The following FBXL13 variants were observed in gnomAD, a reference collection of about 807,000 sequenced individuals.
The protein encoded by FBXL13 is F-box and leucine-rich repeat protein 13.
Under a neutral mutation model 83.6 loss-of-function variants are expected in FBXL13, and 67 were observed. The observed-to-expected ratio is 0.80, with a 90% CI of 0.66 to 0.98. The LOEUF (loss-of-function observed/expected upper bound fraction) is 0.98, where lower values mean the gene tolerates loss of function less well. FBXL13 is among the 50% of genes least tolerant of loss of function. The pLI is 0.00. For synonymous variants in FBXL13, 272 were observed against 299.5 expected, an observed-to-expected ratio of 0.91 and a Z score of 0.95; for missense variants, 822 against 866.5, an observed-to-expected ratio of 0.95 and a Z score of 0.64.
At chr7:103,008,601 A>G (rs905287918) in intron 6 of FBXL13, among the ~76,000 whole-genome samples, 2 of 152,214 alleles carry the variant, frequency 1.3e-5, no homozygotes, top group African/African-American at 4.8e-5. Flanking sequence ...TCTGTCATCC[A>G]GGCTAGAGTG....
chr7:103,028,634 G>C lies in FBXL13; in HGVS notation c.183C>G (p.His61Gln), dbSNP rs144386123. Reference sequence around the variant, plus strand: ...TTTCTTTCTGGTCTTCCATATAAGAGTGCCAGTGATGAAATACAGATTTTT... The same window carrying C: ...TTTCTTTCTGGTCTTCCATATAAGACTGCCAGTGATGAAATACAGATTTTT... The change falls in exon 4 of 20, where the codon CAC becomes CAG. Residue 61 changes from histidine (H) to glutamine (Q), a missense_variant. His to Gln is a conservative substitution (Grantham distance 24, BLOSUM62 0). Coordinates refer to ENST00000313221, the Ensembl canonical transcript of FBXL13. 131 of 1,595,312 alleles carry C rather than the reference G, an allele frequency of 8.2e-5. No homozygotes were observed. Among genetic ancestry groups the C allele is most frequent in the Admixed American group, 3.7e-4 (21 of 57,440 alleles).
intron 16 of FBXL13, among the ~76,000 whole-genome samples, chr7:102,859,622 C>T (rs1014574958): frequency 6.0e-5 from 9 of 151,182 alleles, no homozygotes; most frequent in Middle Eastern, 3.2e-3. Flanking sequence ...GAAGACAGGC[C>T]AAAAATGAGG....
intron 6 of FBXL13, among the ~76,000 whole-genome samples, chr7:102,986,025 C>CA (rs1415233638): frequency 2.0e-5 from 3 of 151,884 alleles, no homozygotes; most frequent in African/African-American, 4.8e-5. Context: ...ATGCCCCCCC[C>CA]CCATCAATAC....
intron 17 of FBXL13, among the ~76,000 whole-genome samples, chr7:102,843,388 A>C (rs1342309875): frequency 6.6e-6 from 1 of 152,226 alleles, no homozygotes; most frequent in Admixed American, 6.5e-5. Flanking sequence ...GGTTGCAGTG[A>C]GCCAACATCG....
chr7:102,944,575 A>T, intron 8 of FBXL13: 1 of 1,610,136 alleles, frequency 6.2e-7, no homozygotes, highest in Admixed American at 1.7e-5. Context: ...CACCGCAAAG[A>T]AGCAAAGCGT....
intron 6 of FBXL13, among the ~76,000 whole-genome samples, chr7:103,023,314 T>A (rs553973804): frequency 4.5e-4 from 68 of 151,806 alleles, no homozygotes; most frequent in African/African-American, 1.6e-3. Context: ...CAAAAAAAAA[T>A]ACCATTAAAA....
chr7:102,963,412 A>T (rs1205261180), intron 8 of FBXL13, 121 bp downstream of exon 9: 1 of 1,162,984 alleles, frequency 8.6e-7, no homozygotes, highest in African/African-American at 1.6e-5. Context: ...AATGGTTATA[A>T]TTGGTATCCT....
At chr7:102,975,071 C>T (rs1448804762) in intron 6 of FBXL13, among the ~76,000 whole-genome samples, 1 of 152,150 alleles carries the variant, frequency 6.6e-6, no homozygotes, top group African/African-American at 2.4e-5. Context: ...CAGCAGGAAC[C>T]ACTTTCAGGT....
chr7:102,854,816 A>G (rs1325286146), exon 17 of FBXL13: 1 of 1,592,818 alleles, frequency 6.3e-7, no homozygotes, highest in Non-Finnish European at 8.6e-7. Flanking sequence ...ATTCAGATAC[A>G]GAAAGTTCCT....
At chr7:103,061,148 G>C (rs868467122) in intron 1 of FBXL13, among the ~76,000 whole-genome samples, 2 of 151,970 alleles carry the variant, frequency 1.3e-5, no homozygotes, top group South Asian at 4.1e-4. Context: ...GGAAGAGGAA[G>C]ATGCCCCTCA....
In FBXL13 at chr7:102,840,950, CTATGATGTA is replaced by C. The variant is rs1384297330; in HGVS notation, c.1720-7985_1720-7977del. On this transcript the variant is annotated intron_variant, in intron 17 of 19. Transcript: ENST00000313221. ...CAGAGAGATCCTGGAACGATCCTAT[CTATGATGTA>C]TGTGATGAGGGCTTTAGGATGAGGA... Among the ~76,000 whole-genome samples the C allele has an allele frequency of 6.6e-5, 10 of 152,216 alleles. No individual in the cohort carries two copies. In the East Asian group the frequency reaches 7.7e-4, roughly 12 times the overall value.
intron 6 of FBXL13, among the ~76,000 whole-genome samples, chr7:102,984,536 G>A (rs1828706600): frequency 6.6e-6 from 1 of 152,130 alleles, no homozygotes; most frequent in Non-Finnish European, 1.5e-5. Context: ...GAGTCCAAAG[G>A]CAAGAGAAGA....
intron 18 of FBXL13, among the ~76,000 whole-genome samples, chr7:102,832,525 CA>C (rs1800890895): frequency 6.6e-6 from 1 of 152,236 alleles, no homozygotes; most frequent in African/African-American, 2.4e-5. Context: ...TCAGTTCCTA[CA>C]AATACTAAGT....
intron 6 of FBXL13, among the ~76,000 whole-genome samples, chr7:102,993,720 A>C (rs899432961): frequency 6.6e-6 from 1 of 152,232 alleles, no homozygotes; most frequent in Non-Finnish European, 1.5e-5. Flanking sequence ...CTGCTAACTA[A>C]GCAGCATTTC....
At chr7:102,953,561 C>T (rs1294047273) in intron 8 of FBXL13, among the ~76,000 whole-genome samples, 1 of 152,138 alleles carries the variant, frequency 6.6e-6, no homozygotes, top group African/African-American at 2.4e-5. Context: ...TGGGTATGAG[C>T]TTCCTCTTTG....
At chr7:102,942,930 A>G (rs550779017) in intron 8 of FBXL13, among the ~76,000 whole-genome samples, 4 of 152,348 alleles carry the variant, frequency 2.6e-5, no homozygotes, top group South Asian at 2.1e-4. Context: ...TGGCTGGTCC[A>G]TATCAACTGG....
chr7:103,035,031 C>T (rs993966924), intron 2 of FBXL13, among the ~76,000 whole-genome samples: 1 of 152,176 alleles, frequency 6.6e-6, no homozygotes, highest in Non-Finnish European at 1.5e-5. Context: ...CGGCTTTAGT[C>T]TTGAAGTATG....
At chr7:102,820,637 C>A (rs1468476972) in intron 19 of FBXL13, among the ~76,000 whole-genome samples, 1 of 152,192 alleles carries the variant, frequency 6.6e-6, no homozygotes, top group African/African-American at 2.4e-5. Context: ...CAGACTACTA[C>A]AGACTGGGTA....
At chr7:102,851,401 G>C (rs149180781) in intron 17 of FBXL13, among the ~76,000 whole-genome samples, 3 of 142,294 alleles carry the variant, frequency 2.1e-5, no homozygotes, top group African/African-American at 8.2e-5. Flanking sequence ...CTACTTGTGG[G>C]ACAAACCCTT....
Sources: gnomAD v4.1 joint callset for allele counts (sites outside exome capture counted in the v4.1 genomes callset) on GRCh38, gnomAD v4.1.1 for gene constraint, MANE v1.5 for transcripts, NCBI Gene and HGNC (gene_info 2026-07-23, HGNC 2026-07-21) for gene names.